TRAF3IP3: variants seen among roughly 807,000 people sequenced by gnomAD.
TRAF3IP3 encodes the protein TRAF3-interacting JNK-activating modulator.
In TRAF3IP3, 64 loss-of-function variants were observed where a neutral mutation model predicts 86.5. That is an observed-to-expected ratio of 0.74 (90% CI 0.60 to 0.91). The LOEUF is 0.91. TRAF3IP3 is among the 40% of genes least tolerant of loss of function. The probability of loss-of-function intolerance (pLI) is 0.00; values close to 1 mark genes in which losing one functional copy is unlikely to be tolerated. For synonymous variants in TRAF3IP3, 220 were observed against 243.9 expected, an observed-to-expected ratio of 0.90 and a Z score of 0.91; for missense variants, 579 against 642.9, an observed-to-expected ratio of 0.90 and a Z score of 1.07.
At position 209,782,199 on chromosome 1, in the gene TRAF3IP3, G is replaced by A. The variant is rs374407402; in HGVS notation, c.*51G>A. 6.2e-5 allele frequency: 90 copies of A among 1,450,748 alleles called. No homozygotes were observed. The highest frequency in any genetic ancestry group is 2.0e-4 in the East Asian group (9 of 44,036). 89.9% of individuals were successfully genotyped at this position (1,450,748 alleles called of 1,614,324 possible). A position where few individuals can be genotyped will look rare whatever the true frequency, so the allele number is the denominator to read the frequency against. ...GAAAATCAGAAGCAAGCAACTCAGC[G>A]AAAAACTCAGAAGGTTTGGGTACAT... On this transcript the variant is annotated 3_prime_UTR_variant, in exon 17 of 17. Coordinates refer to ENST00000367025, the MANE Select transcript of TRAF3IP3 (RefSeq NM_025228.4).
chr1:209,781,376 T>C lies in TRAF3IP3; in HGVS notation c.1481T>C (p.Leu494Pro). 6.2e-7 allele frequency: 1 copy of C among 1,613,388 alleles called. No homozygotes were observed. ...CRELHSELDN[L>P]SDEYLSCLRK... ...GAACTGCATTCAGAATTAGACAACC[T>C]CAGTGACGAGTATCTCTCCTGCCTG... Residue 494 changes from leucine to proline, a missense_variant, in exon 16 of 17, where the codon CTC becomes CCC. Coordinates refer to ENST00000367025, the MANE Select transcript of TRAF3IP3 (RefSeq NM_025228.4).
At chr1:209,770,772 CCT>C (rs2077468881) in intron 8 of TRAF3IP3, among the ~76,000 whole-genome samples, 14 of 75,724 alleles carry the variant, frequency 1.8e-4, no homozygotes, top group South Asian at 1.6e-3. Context: ...TGTGCGTGTG[CCT>C]ATGGAGGTGT....
intron 15 of TRAF3IP3, 186 bp downstream of exon 15, chr1:209,780,792 CA>C: frequency 4.8e-6 from 2 of 416,602 alleles, no homozygotes; most frequent in Non-Finnish European, 8.0e-6. Context: ...TTATTTATAC[CA>C]ACTCCTATTC....
chr1:209,761,324 C>T (rs1182297297), intron 3 of TRAF3IP3, among the ~76,000 whole-genome samples: 1 of 152,184 alleles, frequency 6.6e-6, no homozygotes, highest in South Asian at 2.1e-4. Flanking sequence ...CTTAGAGGGC[C>T]CATTAGTCTG....
At chr1:209,779,185 TG>T in intron 13 of TRAF3IP3, 129 bp from the exon 14 acceptor site, 2 of 677,318 alleles carry the variant, frequency 3.0e-6, no homozygotes, top group Non-Finnish European at 5.1e-6. Flanking sequence ...ATATATATTC[TG>T]GGGGACAAAA....
intron 14 of TRAF3IP3, 39 bp from the exon 15 acceptor site, chr1:209,780,431 T>C (rs563279671): frequency 6.6e-7 from 1 of 1,505,830 alleles, no homozygotes; most frequent in Non-Finnish European, 8.9e-7. Flanking sequence ...CTCAGAGGTG[T>C]GGGCCTCACT....
rs934198605 is a variant in TRAF3IP3, at chr1:209,760,125, T to A, written c.86T>A (p.Ile29Asn). 1.2e-6 allele frequency: 2 copies of A among 1,614,074 alleles called. No homozygotes were observed. The highest frequency in any genetic ancestry group is 2.2e-5 in the East Asian group (1 of 44,872). The change falls in exon 3 of 17, where the codon ATC becomes AAC. Residue 29 changes from isoleucine to asparagine, a missense_variant. By Grantham distance (149) the Ile-to-Asn change is moderately radical. Transcript: ENST00000367025. ...YEAKCERRQE[I>N]RESRRCRPNV... The stretch of plus-strand genomic sequence containing the variant: ...GCCAAGTGTGAGCGCAGGCAAGAGA[T>A]CCGTGAAAGCCGCCGCTGCCGTCCC...
chr1:209,769,882 C>G (rs1387807291), intron 8 of TRAF3IP3, among the ~76,000 whole-genome samples: 4 of 152,158 alleles, frequency 2.6e-5, no homozygotes, highest in Non-Finnish European at 5.9e-5. Flanking sequence ...CGGTCACTGC[C>G]CTTTCTCTGG....
intron 12 of TRAF3IP3, 31 bp downstream of exon 12, chr1:209,777,518 T>C: frequency 6.4e-7 from 1 of 1,551,934 alleles, no homozygotes; most frequent in Non-Finnish European, 8.7e-7. Flanking sequence ...CTTGAGTGCA[T>C]GGCAGCCATG....
intron 15 of TRAF3IP3, chr1:209,780,925 AAAGAGT>A (rs1477478058): frequency 1.1e-5 from 2 of 189,034 alleles, no homozygotes; most frequent in Non-Finnish European, 2.2e-5. Flanking sequence ...TATGTCTCTT[AAAGAGT>A]AAAACTCTTC....
At chr1:209,774,627 G>A (rs968091618) in intron 9 of TRAF3IP3, among the ~76,000 whole-genome samples, 1 of 152,204 alleles carries the variant, frequency 6.6e-6, no homozygotes, top group Non-Finnish European at 1.5e-5. Flanking sequence ...CAGCTTAGGT[G>A]GAAGTAGCAT....
chr1:209,778,177 A>T lies in TRAF3IP3; in HGVS notation c.1252+4A>T, dbSNP rs1269871259. The stretch of plus-strand genomic sequence containing the variant: ...ACCAGAGTACAGCAGTTGCAGGGTA[A>T]GTTCGCTTTCCAGATTCTGAAAGTC... On this transcript the variant is annotated splice_donor_region_variant and intron_variant, in intron 13 of 16. Coordinates refer to ENST00000367025, the MANE Select transcript of TRAF3IP3 (RefSeq NM_025228.4). 1 of 1,613,796 alleles carries T rather than the reference A, an allele frequency of 6.2e-7. No homozygotes were observed. Among genetic ancestry groups the T allele is most frequent in the Non-Finnish European group, 8.5e-7 (1 of 1,179,832 alleles).
At chr1:209,763,663 C>A in intron 8 of TRAF3IP3, 76 bp downstream of exon 8, 1 of 1,236,938 alleles carries the variant, frequency 8.1e-7, no homozygotes, top group Non-Finnish European at 1.2e-6. Context: ...TCCACATCAT[C>A]ACAGTAAGAG....
intron 8 of TRAF3IP3, chr1:209,768,237 G>C (rs960000327): frequency 1.0e-6 from 1 of 985,262 alleles, no homozygotes; most frequent in South Asian, 4.7e-5. Flanking sequence ...TTCACATGCT[G>C]AGAACTTACC....
chr1:209,760,431 C>A, intron 3 of TRAF3IP3, 47 bp downstream of exon 3: 1 of 1,470,944 alleles, frequency 6.8e-7, no homozygotes, highest in Non-Finnish European at 9.2e-7. Context: ...GGGACCCTCT[C>A]TGGACAAGGA....
chr1:209,773,712 G>A (rs1003755737), intron 9 of TRAF3IP3, among the ~76,000 whole-genome samples: 2 of 152,230 alleles, frequency 1.3e-5, no homozygotes, highest in Non-Finnish European at 2.9e-5. Context: ...TCTTACAGGG[G>A]AAGAGAGTTT....
rs1211775629 is a variant in TRAF3IP3 at position 209,778,175 on chromosome 1, T to A, written c.1252+2T>A. The A allele has an allele frequency of 1.9e-6, 3 of 1,613,660 alleles. No homozygotes were observed. The East Asian group carries it at 6.7e-5, about 36-fold the overall frequency. ...TGACCAGAGTACAGCAGTTGCAGGGTAAGTTCGCTTTCCAGATTCTGAAAG... is the reference window on the plus strand; with the variant it reads ...TGACCAGAGTACAGCAGTTGCAGGGAAAGTTCGCTTTCCAGATTCTGAAAG... On this transcript the variant is annotated splice_donor_variant, in intron 13 of 16. Coordinates refer to ENST00000367025, the MANE Select transcript of TRAF3IP3 (RefSeq NM_025228.4). LOFTEE classifies it high-confidence loss of function.
chr1:209,773,115 G>C, intron 9 of TRAF3IP3, 96 bp downstream of exon 9: 1 of 1,097,988 alleles, frequency 9.1e-7, no homozygotes, highest in Non-Finnish European at 1.3e-6. Context: ...AACACCACCA[G>C]ATAGAGAATA....
At position 209,763,523 on chromosome 1, in the gene TRAF3IP3, A is replaced by C; in HGVS notation, c.638A>C (p.Gln213Pro). 6.2e-7 allele frequency: 1 copy of C among 1,614,224 alleles called. No homozygotes were observed. The highest frequency in any genetic ancestry group is 8.5e-7 in the Non-Finnish European group (1 of 1,180,046). ...EALQRELVLK[Q>P]KMVILQDLLS... ...CTACAAAGGGAGCTGGTCCTAAAAC[A>C]GAAAATGGTGATTCTCCAAGACCTA... The change falls in exon 8 of 17, where the codon CAG becomes CCG. Residue 213 changes from glutamine to proline, a missense_variant. Transcript: ENST00000367025.
Sources: gnomAD v4.1 joint callset for allele counts (sites outside exome capture counted in the v4.1 genomes callset) on GRCh38, gnomAD v4.1.1 for gene constraint, MANE v1.5 for transcripts, NCBI Gene and HGNC (gene_info 2026-07-23, HGNC 2026-07-21) for gene names.